The following TCIRG1 variants were observed in gnomAD, a reference collection of about 807,000 sequenced individuals.
TCIRG1 encodes T cell immune regulator 1, ATPase H+ transporting V0 subunit a3.
A neutral mutation model predicts 95.5 loss-of-function variants in TCIRG1; 86 were observed. That is an observed-to-expected ratio of 0.90 (90% CI 0.76 to 1.08). The LOEUF (loss-of-function observed/expected upper bound fraction) is 1.08. Ranked by LOEUF, TCIRG1 falls within the 50% of genes least tolerant of loss-of-function variation. The probability of loss-of-function intolerance (pLI) is 0.00; values close to 1 mark genes in which losing one functional copy is unlikely to be tolerated. For missense variants in TCIRG1, 1,069 were observed against 1,140.2 expected (o/e 0.94, Z 0.90); for synonymous variants, 499 against 501.3 (o/e 1.00, Z 0.06).
At position 68,049,169 on chromosome 11, in the gene TCIRG1, G is replaced by A. The variant is rs750507912; in HGVS notation, c.1762G>A (p.Val588Ile). 3 of 1,614,020 alleles carry A rather than the reference G, an allele frequency of 1.9e-6. No homozygotes were observed. The Admixed American group carries it at 5.0e-5, about 27-fold the overall frequency. ...LGLFGYLVFL[V>I]IYKWLCVWAA... is the part of the protein sequence containing the mutation. ...ACTCTTCGGTTACCTCGTGTTCCTA[G>A]TCATCTACAAGTGGCTGTGTGTCTG... The change falls in exon 15 of 20, where the codon GTC becomes ATC. Residue 588 changes from valine to isoleucine, a missense_variant. Val to Ile is a conservative substitution (Grantham distance 29). Coordinates refer to ENST00000265686, the MANE Select transcript of TCIRG1 (RefSeq NM_006019.4).
chr11:68,049,843 G>T, intron 16 of TCIRG1, 55 bp downstream of exon 16: 1 of 1,555,990 alleles, frequency 6.4e-7, no homozygotes, highest in East Asian at 2.3e-5. Flanking sequence ...GCCACTGTCC[G>T]GTGTGTCCCT....
In TCIRG1 at chr11:68,047,942, C is replaced by T. The variant is rs377249896; in HGVS notation, c.1524C>T (p.Phe508=). ...TGGATCCCAACGTCACCGGTGTCTT[C>T]CTGGGACCCTACCCCTTTGGCATCG... The part of the protein sequence containing the change: ...LTLDPNVTGV[F]LGPYPFGIDP... The change falls in exon 13 of 20, where the codon TTC becomes TTT. Residue 508 remains phenylalanine (F), a synonymous_variant. Transcript: ENST00000265686. The T allele has an allele frequency of 6.2e-7, 1 of 1,613,724 alleles. No homozygotes were observed. The highest frequency in any genetic ancestry group is 8.5e-7 in the Non-Finnish European group (1 of 1,180,036).
Position 68,045,005 on chromosome 11 carries a change from C to T in TCIRG1, c.1068C>T (p.Asp356=), listed in dbSNP as rs1469032708. Residue 356 remains aspartate (D), a synonymous_variant, in exon 10 of 20, where the codon GAC becomes GAT. Coordinates refer to ENST00000265686, the MANE Select transcript of TCIRG1 (RefSeq NM_006019.4). ...SAVAHRIPCR[D]MPPTLIRTNR... is the part of the protein sequence containing the mutation. ...TGGCTCACCGCATCCCCTGCCGGGA[C>T]ATGCCCCCCACACTCATCCGCACCA... 1.2e-6 allele frequency: 2 copies of T among 1,608,844 alleles called. No homozygotes were observed. Among genetic ancestry groups the T allele is most frequent in the African/African-American group, 2.7e-5 (2 of 75,074 alleles).
chr11:68,043,794 G>C lies in TCIRG1; in HGVS notation c.714-20G>C. On this transcript the variant is annotated intron_variant, in intron 7 of 19. Transcript: ENST00000265686. ...TAGCTGTGTCCTTCTGGCCCCTCACGCAGCGCATCCTCCCTCCAGCTTCCA... is the reference window on the plus strand; with the variant it reads ...TAGCTGTGTCCTTCTGGCCCCTCACCCAGCGCATCCTCCCTCCAGCTTCCA... 6.4e-7 allele frequency: 1 copy of C among 1,555,316 alleles called. No homozygotes were observed. The highest frequency in any genetic ancestry group is 1.2e-5 in the South Asian group (1 of 84,474).
At position 68,041,802 on chromosome 11, in the gene TCIRG1, G is replaced by C. The variant is rs368777603; in HGVS notation, c.167G>C (p.Arg56Pro). 2.5e-6 allele frequency: 4 copies of C among 1,609,726 alleles called. No individual in the cohort carries two copies. Among genetic ancestry groups the C allele is most frequent in the Admixed American group, 3.4e-5 (2 of 59,526 alleles). Residue 56 changes from arginine to proline, a missense_variant, in exon 3 of 20, where the codon CGG becomes CCG. Coordinates refer to ENST00000265686, the MANE Select transcript of TCIRG1 (RefSeq NM_006019.4). Reference sequence around the variant, plus strand: ...CAGAGACGCTTTGTGGTTGATGTTCGGCGCTGTGAGGAGCTGGAGAAGACC... The same window carrying C: ...CAGAGACGCTTTGTGGTTGATGTTCCGCGCTGTGAGGAGCTGGAGAAGACC... Reference protein sequence around the residue: ...AFQRRFVVDVRRCEELEKTFT... With the variant: ...AFQRRFVVDVPRCEELEKTFT...
chr11:68,048,706 C>G (rs1238531691), intron 13 of TCIRG1, 173 bp from the exon 14 acceptor site: 13 of 704,706 alleles, frequency 1.8e-5, no homozygotes, highest in Non-Finnish European at 2.6e-6. Context: ...CAGGCTGGCA[C>G]CGTGGCAGCT....
chr11:68,041,256 G>A lies in TCIRG1; in HGVS notation c.-4-12G>A. On this transcript the variant is annotated splice_polypyrimidine_tract_variant and intron_variant, in intron 1 of 19. Transcript: ENST00000265686. ...CTGCCCCTGACTGGCCCCCATCCGTGTCCACCCACAGGACCATGGGCTCCA... is the reference window on the plus strand; with the variant it reads ...CTGCCCCTGACTGGCCCCCATCCGTATCCACCCACAGGACCATGGGCTCCA... 8 of 1,592,722 alleles carry A rather than the reference G, an allele frequency of 5.0e-6. No homozygotes were observed. Among genetic ancestry groups the A allele is most frequent in the East Asian group, 2.2e-5 (1 of 44,754 alleles).
chr11:68,046,073 C>A (rs1451920274), intron 10 of TCIRG1, among the ~76,000 whole-genome samples: 1 of 152,208 alleles, frequency 6.6e-6, no homozygotes, highest in Non-Finnish European at 1.5e-5. Flanking sequence ...AGGCCCGTGG[C>A]AGATAGAATG....
At chr11:68,050,942 AG>A, downstream of TCIRG1, 1 of 1,102,846 alleles carries the variant, frequency 9.1e-7, no homozygotes, top group South Asian at 1.3e-5. Context: ...GGCAGGTGGC[AG>A]GGTAGAAGGC....
chr11:68,050,722 C>T lies in TCIRG1; in HGVS notation c.2415-19C>T. ...AGGCGTGAGTTCCCCTCACCAACCC[C>T]TCTGCTTCTCACCCCCAGGGTGGAA... On this transcript the variant is annotated intron_variant, in intron 19 of 19. Coordinates refer to ENST00000265686, the MANE Select transcript of TCIRG1 (RefSeq NM_006019.4). 5 of 1,613,908 alleles carry T rather than the reference C, an allele frequency of 3.1e-6. No individual in the cohort carries two copies. The highest frequency in any genetic ancestry group is 2.5e-6 in the Non-Finnish European group (3 of 1,180,022).
intron 10 of TCIRG1, chr11:68,047,091 A>G (rs1590811638): frequency 2.6e-6 from 1 of 380,090 alleles, no homozygotes; most frequent in Non-Finnish European, 5.0e-6. Context: ...GCTCACTGCA[A>G]CCTCCGCCTC....
downstream of TCIRG1, among the ~76,000 whole-genome samples, chr11:68,051,823 C>T (rs1253371103): frequency 6.6e-6 from 1 of 152,184 alleles, no homozygotes; most frequent in African/African-American, 2.4e-5. Context: ...TTACTCCCTC[C>T]TGGGGAGAGA....
chr11:68,046,861 C>A (rs1855511148), intron 10 of TCIRG1: 1 of 456,316 alleles, frequency 2.2e-6, no homozygotes. Flanking sequence ...CTGCTAACTT[C>A]CTGTGGCTCC....
In TCIRG1 at chr11:68,044,148, A is replaced by C. The variant is rs935877148; in HGVS notation, c.824A>C (p.Glu275Ala). 3.9e-6 allele frequency: 6 copies of C among 1,549,912 alleles called. No homozygotes were observed. In the African/African-American group the frequency reaches 6.8e-5, roughly 18 times the overall value. ...CTGGCGCAGGTCCTCGGGGAGACAG[A>C]GCGGTTCCTGAGCCAGGTGCTAGGC... Reference protein sequence around the residue: ...QELQEVLGETERFLSQVLGRV... With the variant: ...QELQEVLGETARFLSQVLGRV... The change falls in exon 9 of 20, where the codon GAG becomes GCG. Residue 275 changes from glutamate (E) to alanine (A), a missense_variant. By Grantham distance (107) the Glu-to-Ala change is moderately radical. Transcript: ENST00000265686.
chr11:68,041,471 T>A (rs7116924), intron 2 of TCIRG1, 83 bp downstream of exon 2: 9 of 1,005,956 alleles, frequency 8.9e-6, no homozygotes, highest in East Asian at 4.8e-5. Flanking sequence ...CTGCCCCCCC[T>A]CCGCCATAGG....
rs1855283287 is a variant in TCIRG1, at chr11:68,043,471, G to C, written c.604G>C (p.Glu202Gln). The change falls in exon 6 of 20, where the codon GAG becomes CAG. Residue 202 changes from glutamate to glutamine, a missense_variant. By Grantham distance (29) the Glu-to-Gln change is conservative (BLOSUM62 2). Coordinates refer to ENST00000265686, the MANE Select transcript of TCIRG1 (RefSeq NM_006019.4). The stretch of plus-strand genomic sequence containing the variant: ...CCTCATTGCCAGCTTCAGGGAGCTG[G>C]AGCAGCCGCTGGAGCACCCCGTGAC... Reference protein sequence around the residue: ...GFLIASFRELEQPLEHPVTGE... With the variant: ...GFLIASFRELQQPLEHPVTGE... The C allele has an allele frequency of 6.4e-7, 1 of 1,557,742 alleles. No homozygotes were observed. Among genetic ancestry groups the C allele is most frequent in the Non-Finnish European group, 8.7e-7 (1 of 1,151,384 alleles).
At chr11:68,045,180 G>T (rs1855419010) in intron 10 of TCIRG1, 78 bp downstream of exon 10, 10 of 1,566,496 alleles carry the variant, frequency 6.4e-6, no homozygotes, top group Non-Finnish European at 8.7e-6. Flanking sequence ...TGAGGGGGAG[G>T]TATCTCCATC....
rs749871753 is a variant in TCIRG1, at chr11:68,047,525, A to G, written c.1258A>G (p.Met420Val). ...GLLMFLFALA[M>V]VLAENRPAVK... ...GCTCATGTTCCTGTTCGCCCTGGCC[A>G]TGGTCCTTGCGGAGAACCGACCGGC... The change falls in exon 11 of 20, where the codon ATG becomes GTG. Residue 420 changes from methionine (M) to valine (V), a missense_variant. Physicochemically the swap from Met to Val is conservative, Grantham distance 21. Transcript: ENST00000265686. 9 of 1,613,648 alleles carry G rather than the reference A, an allele frequency of 5.6e-6. 1 individual carries two copies. The South Asian group carries it at 7.7e-5, about 14-fold the overall frequency.
rs139617644 is a variant in TCIRG1, at chr11:68,049,080, G to A, written c.1674-1G>A. ...GAGCACACCTCCCTCTTGCCCGCCA[G>A]GCACTTTGGCCAGAGGCACCGGCTG... On this transcript the variant is annotated splice_acceptor_variant, in intron 14 of 19. Coordinates refer to ENST00000265686, the MANE Select transcript of TCIRG1 (RefSeq NM_006019.4). LOFTEE classifies it high-confidence loss of function. 2.9e-4 allele frequency: 473 copies of A among 1,613,406 alleles called. No homozygotes were observed. Among genetic ancestry groups the A allele is most frequent in the Non-Finnish European group, 3.8e-4 (444 of 1,180,006 alleles).
Sources: gnomAD v4.1 joint callset for allele counts (sites outside exome capture counted in the v4.1 genomes callset) on GRCh38, gnomAD v4.1.1 for gene constraint, MANE v1.5 for transcripts, NCBI Gene and HGNC (gene_info 2026-07-23, HGNC 2026-07-21) for gene names.